ZNF696: variants seen among roughly 807,000 people sequenced by gnomAD.
ZNF696 encodes the protein zinc finger protein 696.
A neutral mutation model predicts 12.3 loss-of-function variants in ZNF696; 10 were observed. The ratio of observed to expected loss-of-function variants is 0.81; its 90% CI spans 0.50 to 1.38. ZNF696 has a LOEUF of 1.38. Ranked by LOEUF, ZNF696 falls within the 40% of genes most tolerant of loss-of-function variation. The pLI is 0.00. For missense variants in ZNF696, 675 were observed against 554.7 expected (o/e 1.22, Z -2.18); for synonymous variants, 304 against 243.9 (o/e 1.25, Z -2.29).
rs777179301 is a variant in ZNF696 at position 143,295,851 on chromosome 8, G to C, written c.176G>C (p.Gly59Ala). Residue 59 changes from glycine to alanine, a missense_variant, in exon 3 of 3, where the codon GGC (glycine) becomes GCC (alanine). Physicochemically the swap from Gly to Ala is moderately conservative, Grantham distance 60 (BLOSUM62 0). Transcript: ENST00000330143. ...GAGGCAGGCGCTCCCGAGGGAGAGGGCCACAGAGGGGGGCCTCCCCGGGCG... is the reference window on the plus strand; with the variant it reads ...GAGGCAGGCGCTCCCGAGGGAGAGGCCCACAGAGGGGGGCCTCCCCGGGCG... ...AAEAGAPEGE[G>A]HRGGPPRALG... is the part of the protein sequence containing the mutation. 1 of 1,581,052 alleles carries C rather than the reference G, an allele frequency of 6.3e-7. No homozygotes were observed. Among genetic ancestry groups the C allele is most frequent in the Non-Finnish European group, 8.6e-7 (1 of 1,163,068 alleles).
rs1815729855 is a variant in ZNF696 at position 143,296,871 on chromosome 8, C to G, written c.*71C>G. ...GGCCGAGGCCGGGGGAGGCTCCTGT[C>G]CGCCCCGTGCGCGGTGAGGAAGTAA... On this transcript the variant is annotated 3_prime_UTR_variant, in exon 3 of 3. Transcript: ENST00000330143. 2 of 1,303,798 alleles carry G rather than the reference C, an allele frequency of 1.5e-6. No individual in the cohort carries two copies. The highest frequency in any genetic ancestry group is 4.0e-5 in the Admixed American group (1 of 25,110). 80.8% of individuals were successfully genotyped at this position (1,303,798 alleles called of 1,614,324 possible).
Position 143,296,835 on chromosome 8 carries a change from G to T in ZNF696, c.*35G>T, listed in dbSNP as rs373807085. 2.8e-5 allele frequency: 39 copies of T among 1,374,564 alleles called. No individual in the cohort carries two copies. The highest frequency in any genetic ancestry group is 7.4e-5 in the Admixed American group (2 of 26,944). The allele number at this position is 1,374,564 out of a possible 1,614,324, so 85.1% of individuals were successfully genotyped here. A position where few individuals can be genotyped will look rare whatever the true frequency, so the allele number is the denominator to read the frequency against. On this transcript the variant is annotated 3_prime_UTR_variant, in exon 3 of 3. Transcript: ENST00000330143. Reference sequence around the variant, plus strand: ...GCGGCGGAAGAGATGCCGGCGGCCTGGTGGGCGCGAGGCCGAGGCCGGGGG... The same window carrying T: ...GCGGCGGAAGAGATGCCGGCGGCCTTGTGGGCGCGAGGCCGAGGCCGGGGG...
In ZNF696 at chr8:143,296,089, G is replaced by T. The variant is rs762681691; in HGVS notation, c.414G>T (p.Ser138=). 1.7e-5 allele frequency: 28 copies of T among 1,603,278 alleles called. No individual in the cohort carries two copies. The East Asian group carries it at 6.1e-4, about 35-fold the overall frequency. The change falls in exon 3 of 3, where the codon TCG becomes TCT. Residue 138 remains serine, a synonymous_variant. Coordinates refer to ENST00000330143, the MANE Select transcript of ZNF696 (RefSeq NM_030895.3). ...GACGRSFKCS[S]DAAKHRSIHS... The stretch of plus-strand genomic sequence containing the variant: ...GTGGCCGCAGCTTCAAGTGCTCCTC[G>T]GACGCGGCAAAGCACCGGAGCATCC...
At position 143,293,040 on chromosome 8, in the gene ZNF696, C is replaced by G. The variant is rs1052947506; in HGVS notation, c.39C>G (p.Ser13Arg). ...PGGEPTGAKE[S>R]STLMESLAAV... ...GAGAGCCCACAGGTGCTAAAGAGAG[C>G]AGTACCCTGATGGAGTCCCTTGCAG... The change falls in exon 2 of 3, where the codon AGC (serine) becomes AGG (arginine). Residue 13 changes from serine to arginine, a missense_variant. Ser to Arg is a moderately radical substitution (Grantham distance 110, BLOSUM62 -1). Transcript: ENST00000330143. The G allele has an allele frequency of 1.2e-6, 2 of 1,614,072 alleles. No individual in the cohort carries two copies. Among genetic ancestry groups the G allele is most frequent in the Admixed American group, 1.7e-5 (1 of 60,008 alleles).
chr8:143,299,053 G>T lies in ZNF696; in HGVS notation c.*2253G>T, dbSNP rs1161772120. Among the ~76,000 whole-genome samples, 2 of 152,118 alleles carry T rather than the reference G, an allele frequency of 1.3e-5. No individual in the cohort carries two copies. The highest frequency in any genetic ancestry group is 2.9e-5 in the Non-Finnish European group (2 of 68,032). On this transcript the variant is annotated 3_prime_UTR_variant, in exon 3 of 3. Coordinates refer to ENST00000330143, the MANE Select transcript of ZNF696 (RefSeq NM_030895.3). ...CCACACCTGTAATCCCAGCTACTCG[G>T]GCAGCTGAGGCAGGAGAATCCCTTG...
chr8:143,295,340 G>C (rs773488709), intron 2 of ZNF696: 2 of 467,106 alleles, frequency 4.3e-6, no homozygotes, highest in South Asian at 3.1e-5. Flanking sequence ...GTTTAGCCTC[G>C]TTTCTGTTTG....
Position 143,296,623 on chromosome 8 carries a change from C to G in ZNF696, c.948C>G (p.Thr316=), listed in dbSNP as rs771424178. 1.1e-5 allele frequency: 17 copies of G among 1,585,234 alleles called. No homozygotes were observed. Among genetic ancestry groups the G allele is most frequent in the East Asian group, 2.3e-5 (1 of 44,214 alleles). Residue 316 remains threonine (T), a synonymous_variant, in exon 3 of 3, where the codon ACC becomes ACG. Coordinates refer to ENST00000330143, the MANE Select transcript of ZNF696 (RefSeq NM_030895.3). Reference sequence around the variant, plus strand: ...TCCGCGAGCACCGCCGCATCCACACCGGGGAGAAGCCCCACCAGTGCGGCC... The same window carrying G: ...TCCGCGAGCACCGCCGCATCCACACGGGGGAGAAGCCCCACCAGTGCGGCC... ...SFLREHRRIH[T]GEKPHQCGHC...
rs777876903 is a variant in ZNF696 at position 143,296,131 on chromosome 8, G to A, written c.456G>A (p.Pro152=). 1.2e-5 allele frequency: 20 copies of A among 1,609,618 alleles called. No homozygotes were observed. Among genetic ancestry groups the A allele is most frequent in the African/African-American group, 1.2e-4 (9 of 74,876 alleles). The part of the protein sequence containing the change: ...KHRSIHSGEK[P]YECSDCGKAF... ...GGAGCATCCACTCGGGGGAGAAACC[G>A]TACGAGTGCAGCGACTGCGGGAAGG... Residue 152 remains proline, a synonymous_variant, in exon 3 of 3, where the codon CCG becomes CCA. Transcript: ENST00000330143.
chr8:143,294,404 T>TA (rs1563744006), intron 2 of ZNF696, among the ~76,000 whole-genome samples: 1 of 151,324 alleles, frequency 6.6e-6, no homozygotes, highest in African/African-American at 2.4e-5. Context: ...TTTTTTTTTT[T>TA]AAGACAAAGT....
In ZNF696 at chr8:143,299,155, A is replaced by G. The variant is rs918036909; in HGVS notation, c.*2355A>G. 6.6e-6 allele frequency among the ~76,000 whole-genome samples: 1 copy of G among 152,126 alleles called. No individual in the cohort carries two copies. Among genetic ancestry groups the G allele is most frequent in the African/African-American group, 2.4e-5 (1 of 41,418 alleles). On this transcript the variant is annotated 3_prime_UTR_variant, in exon 3 of 3. Coordinates refer to ENST00000330143, the MANE Select transcript of ZNF696 (RefSeq NM_030895.3). ...GCCTGGGCAAAAAGAGCAAAACTCC[A>G]TCTTAAAAAAATAAATAAATAAAGG...
At chr8:143,295,510 G>A (rs758736766) in intron 2 of ZNF696, 15 of 695,202 alleles carry the variant, frequency 2.2e-5, no homozygotes, top group South Asian at 1.4e-4. Flanking sequence ...CCCGTTTCTG[G>A]AGTGGCAGTG....
chr8:143,296,182 C>T lies in ZNF696; in HGVS notation c.507C>T (p.Val169=), dbSNP rs1815708155. The part of the protein sequence containing the change: ...GKAFIHSSHV[V]RHQRAHSGER... ...CCTTCATCCACAGCTCGCACGTGGT[C>T]CGGCACCAGCGGGCGCACAGCGGGG... The change falls in exon 3 of 3, where the codon GTC becomes GTT. Residue 169 remains valine (V), a synonymous_variant. Transcript: ENST00000330143. 4 of 1,604,446 alleles carry T rather than the reference C, an allele frequency of 2.5e-6. No homozygotes were observed. Among genetic ancestry groups the T allele is most frequent in the African/African-American group, 1.3e-5 (1 of 74,812 alleles).
chr8:143,293,959 G>A (rs892474669), intron 2 of ZNF696, among the ~76,000 whole-genome samples: 7 of 151,858 alleles, frequency 4.6e-5, no homozygotes, highest in East Asian at 1.9e-4. Context: ...AGGAGCTTCC[G>A]TCTTATCTGC....
Position 143,296,729 on chromosome 8 carries a change from A to G in ZNF696, c.1054A>G (p.Thr352Ala). ...LHTGEKPFRC[T>A]ECGRAFRLSF... ...CACGGGCGAGAAGCCGTTCCGCTGC[A>G]CCGAGTGCGGCCGCGCCTTCCGCCT... Residue 352 changes from threonine (T) to alanine (A), a missense_variant, in exon 3 of 3, where the codon ACC becomes GCC. By Grantham distance (58) the Thr-to-Ala change is moderately conservative. Transcript: ENST00000330143. 6.6e-7 allele frequency: 1 copy of G among 1,526,004 alleles called. No individual in the cohort carries two copies. Among genetic ancestry groups the G allele is most frequent in the Non-Finnish European group, 8.7e-7 (1 of 1,146,992 alleles). 94.5% of individuals were successfully genotyped at this position (1,526,004 alleles called of 1,614,324 possible).
At chr8:143,294,404 T>TTA (rs397823772) in intron 2 of ZNF696, among the ~76,000 whole-genome samples, 2 of 151,324 alleles carry the variant, frequency 1.3e-5, no homozygotes, top group African/African-American at 2.4e-5. Context: ...TTTTTTTTTT[T>TTA]AAGACAAAGT....
chr8:143,294,946 T>C (rs1815682929), intron 2 of ZNF696, among the ~76,000 whole-genome samples: 1 of 152,016 alleles, frequency 6.6e-6, no homozygotes, highest in South Asian at 2.1e-4. Flanking sequence ...TAAAATAGCC[T>C]GGTGTGGTGG....
At position 143,296,713 on chromosome 8, in the gene ZNF696, G is replaced by A. The variant is rs1220275871; in HGVS notation, c.1038G>A (p.Glu346=). The change falls in exon 3 of 3, where the codon GAG becomes GAA. Residue 346 remains glutamate, a synonymous_variant. Coordinates refer to ENST00000330143, the MANE Select transcript of ZNF696 (RefSeq NM_030895.3). ...GGCACCAGCGACTCCACACGGGCGA[G>A]AAGCCGTTCCGCTGCACCGAGTGCG... ...FFRHQRLHTG[E]KPFRCTECGR... is the part of the protein sequence containing the mutation. 2.6e-6 allele frequency: 4 copies of A among 1,555,468 alleles called. No homozygotes were observed. Among genetic ancestry groups the A allele is most frequent in the Non-Finnish European group, 3.4e-6 (4 of 1,159,538 alleles).
intron 2 of ZNF696, among the ~76,000 whole-genome samples, chr8:143,294,511 G>A (rs779570687): frequency 6.6e-5 from 10 of 151,902 alleles, no homozygotes; most frequent in Non-Finnish European, 1.2e-4. Flanking sequence ...CTCTCAAGTA[G>A]CTGGGACTAC....
chr8:143,297,876 G>C lies in ZNF696; in HGVS notation c.*1076G>C, dbSNP rs546663559. 6.6e-6 allele frequency: 1 copy of C among 152,300 alleles called. No individual in the cohort carries two copies. The highest frequency in any genetic ancestry group is 6.5e-5 in the Admixed American group (1 of 15,288). The allele number at this position is 152,300 out of a possible 1,614,324, so 9.4% of individuals were successfully genotyped here. On this transcript the variant is annotated 3_prime_UTR_variant, in exon 3 of 3. Transcript: ENST00000330143. The stretch of plus-strand genomic sequence containing the variant: ...TGTGGAGGGAAAGGCTTACACACAT[G>C]TGATTTCAGAAGCGTTCTGTGGGTA...
Sources: allele counts gnomAD v4.1 joint callset (sites outside exome capture counted in the v4.1 genomes callset), GRCh38; gene constraint gnomAD v4.1.1; transcripts MANE v1.5; gene names NCBI Gene and HGNC (gene_info 2026-07-23, HGNC 2026-07-21).